The following STX8 variants were observed in gnomAD, a reference collection of about 807,000 sequenced individuals.
STX8 encodes the protein syntaxin 8.
Under a neutral mutation model 37.5 loss-of-function variants are expected in STX8, and 23 were observed. The observed-to-expected ratio is 0.61, with a 90% CI of 0.44 to 0.87. The LOEUF (loss-of-function observed/expected upper bound fraction) is 0.87. Ranked by LOEUF, STX8 falls within the 40% of genes least tolerant of loss-of-function variation. The pLI is 0.00. For missense variants in STX8, 313 were observed against 284.7 expected (o/e 1.10, Z -0.71); for synonymous variants, 115 against 99.1 (o/e 1.16, Z -0.95).
In STX8 at chr17:9,559,760, A is replaced by ATATATTTTTTTTTT; in HGVS notation, c.118-2233_118-2232insAAAAAAAAAATATA. 1.1e-3 allele frequency among the ~76,000 whole-genome samples: 27 copies of ATATATTTTTTTTTT among 24,494 alleles called. 1 individual carries two copies. The highest frequency in any genetic ancestry group is 0.011 in the East Asian group (4 of 368). The allele number at this position is 24,494 out of a possible 152,430, so 16.1% of individuals were successfully genotyped here. On this transcript the variant is annotated intron_variant, in intron 2 of 7. Transcript: ENST00000306357. ...TATATATATATATATATATATATATATTTTTTTTTTTTTTTTTTTTGAGAC... is the reference window on the plus strand; with the variant it reads ...TATATATATATATATATATATATATATATATTTTTTTTTTTTTTTTTTTTTTTTTTTTTTGAGAC...
chr17:9,364,779 C>T (rs1911172956), intron 7 of STX8, among the ~76,000 whole-genome samples: 2 of 152,094 alleles, frequency 1.3e-5, no homozygotes, highest in Admixed American at 1.3e-4. Flanking sequence ...GGTGATCCAC[C>T]CGCCTCGGCC....
At chr17:9,336,498 C>T (rs537926820) in intron 7 of STX8, among the ~76,000 whole-genome samples, 8 of 151,956 alleles carry the variant, frequency 5.3e-5, no homozygotes, top group African/African-American at 1.7e-4. Context: ...TGCAGTGGCA[C>T]GATCTCAGCT....
chr17:9,566,902 G>A (rs1474896284), intron 2 of STX8, among the ~76,000 whole-genome samples: 1 of 152,132 alleles, frequency 6.6e-6, no homozygotes, highest in African/African-American at 2.4e-5. Context: ...ACCAGACAGA[G>A]AAAATGTGGT....
intron 7 of STX8, among the ~76,000 whole-genome samples, chr17:9,264,098 C>T (rs565411523): frequency 3.3e-5 from 5 of 152,324 alleles, no homozygotes; most frequent in African/African-American, 1.2e-4. Context: ...GGAGAGACCA[C>T]ATGGAAGGAC....
At chr17:9,275,798 G>A (rs1034397679) in intron 7 of STX8, among the ~76,000 whole-genome samples, 1 of 151,956 alleles carries the variant, frequency 6.6e-6, no homozygotes, top group African/African-American at 2.4e-5. Context: ...AACCCGGGAA[G>A]CAGAGGATGT....
At chr17:9,311,020 C>G (rs1909171603) in intron 7 of STX8, among the ~76,000 whole-genome samples, 1 of 152,052 alleles carries the variant, frequency 6.6e-6, no homozygotes, top group Admixed American at 6.6e-5. Flanking sequence ...GGGCGGATCC[C>G]AAGGTCAGGA....
chr17:9,431,825 A>G (rs770580433), intron 6 of STX8, among the ~76,000 whole-genome samples: 1 of 152,196 alleles, frequency 6.6e-6, no homozygotes, highest in South Asian at 2.1e-4. Flanking sequence ...GGTCAAGGCT[A>G]TGCTTGCAGA....
At chr17:9,259,892 T>C (rs1185568324) in intron 7 of STX8, among the ~76,000 whole-genome samples, 6 of 152,162 alleles carry the variant, frequency 3.9e-5, no homozygotes, top group African/African-American at 1.4e-4. Context: ...CCATGCTGCA[T>C]AAATAACAAT....
intron 6 of STX8, chr17:9,469,100 C>T (rs1209017349): frequency 6.6e-6 from 1 of 152,126 alleles, no homozygotes; most frequent in African/African-American, 2.4e-5. Context: ...TTTCCTCCTC[C>T]AACAGATGGT....
chr17:9,545,087 A>G, intron 4 of STX8, 85 bp downstream of exon 4: 1 of 788,320 alleles, frequency 1.3e-6, no homozygotes, highest in Non-Finnish European at 2.1e-6. Flanking sequence ...ATTAATTCCT[A>G]AAGTAAGCCA....
At chr17:9,367,334 G>A (rs898964089) in intron 7 of STX8, among the ~76,000 whole-genome samples, 6 of 152,104 alleles carry the variant, frequency 3.9e-5, no homozygotes, top group African/African-American at 1.2e-4. Flanking sequence ...CCTTAAGAGA[G>A]GCAGAGGCAC....
intron 7 of STX8, among the ~76,000 whole-genome samples, chr17:9,294,480 C>T (rs1040874808): frequency 2.0e-5 from 3 of 152,174 alleles, no homozygotes; most frequent in Non-Finnish European, 4.4e-5. Flanking sequence ...ACATCTGAAG[C>T]CAGGCGTTTC....
chr17:9,563,944 A>C (rs923493854), intron 2 of STX8, among the ~76,000 whole-genome samples: 6 of 152,224 alleles, frequency 3.9e-5, no homozygotes, highest in African/African-American at 1.4e-4. Flanking sequence ...AACATATGCA[A>C]AACAAAAAAT....
chr17:9,320,635 G>A (rs1909544635), intron 7 of STX8, among the ~76,000 whole-genome samples: 1 of 152,062 alleles, frequency 6.6e-6, no homozygotes, highest in Admixed American at 6.6e-5. Context: ...GCTCACACCT[G>A]TAATCCCAGC....
intron 6 of STX8, among the ~76,000 whole-genome samples, chr17:9,427,193 T>C (rs527300924): frequency 1.1e-4 from 17 of 152,114 alleles, no homozygotes; most frequent in Non-Finnish European, 2.2e-4. Flanking sequence ...CATGTTCCCA[T>C]AGAAATAACG....
chr17:9,277,900 G>C (rs1310182336), intron 7 of STX8, among the ~76,000 whole-genome samples: 2 of 152,160 alleles, frequency 1.3e-5, no homozygotes, highest in Non-Finnish European at 2.9e-5. Context: ...AAGTCCTGCA[G>C]GGCCCTAGAA....
chr17:9,421,968 G>A (rs1218029206), intron 6 of STX8, among the ~76,000 whole-genome samples: 3 of 152,090 alleles, frequency 2.0e-5, no homozygotes, highest in Admixed American at 6.6e-5. Flanking sequence ...CATGTAGGAC[G>A]TGCCAGCTTT....
chr17:9,385,844 G>A (rs1365989821), intron 6 of STX8, among the ~76,000 whole-genome samples: 1 of 152,128 alleles, frequency 6.6e-6, no homozygotes, highest in African/African-American at 2.4e-5. Context: ...CACGATCTCC[G>A]CTCACTGCAA....
At chr17:9,571,590 A>T (rs1464817770) in intron 1 of STX8, among the ~76,000 whole-genome samples, 1 of 107,362 alleles carries the variant, frequency 9.3e-6, no homozygotes, top group Non-Finnish European at 1.9e-5. Context: ...CAAGAGCAAG[A>T]CTTTGTCTCA....
Sources: gnomAD v4.1 joint callset for allele counts (sites outside exome capture counted in the v4.1 genomes callset) on GRCh38, gnomAD v4.1.1 for gene constraint, MANE v1.5 for transcripts, NCBI Gene and HGNC (gene_info 2026-07-23, HGNC 2026-07-21) for gene names.